The following CUX1 variants were observed in gnomAD, a reference collection of about 807,000 sequenced individuals.
CUX1 encodes the protein cut like homeobox 1.
CUX1 carries 31 observed loss-of-function variants against 158.8 expected under a neutral mutation model. The observed-to-expected ratio is 0.20, with a 90% CI of 0.15 to 0.26. CUX1 has a LOEUF of 0.26. Among genes scored for constraint, CUX1 ranks in the 10% least tolerant of loss-of-function variants. CUX1 has a pLI of 1.00. For synonymous variants in CUX1, 879 were observed against 862.1 expected (o/e 1.02, Z -0.34); for missense variants, 1,589 against 2,014.6 (o/e 0.79, Z 4.04).
At chr7:102,128,246 C>G (rs1832858592) in intron 8 of CUX1, among the ~76,000 whole-genome samples, 1 of 152,184 alleles carries the variant, frequency 6.6e-6, no homozygotes, top group African/African-American at 2.4e-5. Context: ...GCCTCTGTTC[C>G]TAGACTGCTG....
chr7:102,042,732 ATTAAAGTATCAT>A (rs1326913359), intron 3 of CUX1, among the ~76,000 whole-genome samples: 1 of 152,052 alleles, frequency 6.6e-6, no homozygotes, highest in African/African-American at 2.4e-5. Flanking sequence ...CCTCAGCTCT[ATTAAAGTATCAT>A]TAACAAAGAA....
chr7:101,824,896 T>G (rs1184182090), intron 1 of CUX1, among the ~76,000 whole-genome samples: 1 of 152,252 alleles, frequency 6.6e-6, no homozygotes, highest in South Asian at 2.1e-4. Flanking sequence ...CCTCTGGAAC[T>G]GGGAACATTC....
Position 102,070,323 on chromosome 7 carries a change from T to C in CUX1, c.190-16T>C. 6.2e-7 allele frequency: 1 copy of C among 1,602,354 alleles called. No homozygotes were observed. Among genetic ancestry groups the C allele is most frequent in the Non-Finnish European group, 8.5e-7 (1 of 1,175,028 alleles). ...GAGCTCTTTGTTTTTCTTTTCTTTC[T>C]TTCCTTCCCTTTCAGATTGATGCAC... On this transcript the variant is annotated splice_polypyrimidine_tract_variant and intron_variant, in intron 3 of 23. Coordinates refer to ENST00000292535, the MANE Select transcript of CUX1 (RefSeq NM_181552.4).
At chr7:101,817,622 C>G, upstream of CUX1, 3 of 1,548,858 alleles carry the variant, frequency 1.9e-6, no homozygotes, top group Non-Finnish European at 2.6e-6. The surrounding 1 kb of genome is among the most constrained non-coding windows in gnomAD (Gnocchi z 4.1). Flanking sequence ...GGGACAGCCC[C>G]GGGACTCTGC....
chr7:102,255,178 C>T lies in CUX1; in HGVS notation c.*6136C>T, dbSNP rs1168886913. On this transcript the variant is annotated 3_prime_UTR_variant, in exon 24 of 24. Transcript: ENST00000292535. ...GAAATGCAATTTCCGCCTGTCTGCC[C>T]GACTTCCAAAAACTGCCTCCTCCTG... The T allele has an allele frequency of 3.0e-6, 3 of 985,330 alleles. No homozygotes were observed. The highest frequency in any genetic ancestry group is 3.6e-6 in the Non-Finnish European group (3 of 829,998). The allele number at this position is 985,330 out of a possible 1,614,324, so 61.0% of individuals were successfully genotyped here. A position where few individuals can be genotyped will look rare whatever the true frequency, so the allele number is the denominator to read the frequency against.
intron 1 of CUX1, among the ~76,000 whole-genome samples, chr7:101,851,521 C>T (rs866479740): frequency 1.3e-5 from 2 of 152,158 alleles, no homozygotes; most frequent in Non-Finnish European, 2.9e-5. Context: ...ACCATATCTG[C>T]GATCCGACAA....
At chr7:101,888,184 A>G (rs182569918) in intron 1 of CUX1, among the ~76,000 whole-genome samples, 2 of 151,638 alleles carry the variant, frequency 1.3e-5, no homozygotes, top group Admixed American at 1.3e-4. Context: ...AAATACAAAA[A>G]TCTGGGTGTG....
intron 3 of CUX1, among the ~76,000 whole-genome samples, chr7:102,051,333 A>G (rs143703470): frequency 6.6e-6 from 1 of 151,324 alleles, no homozygotes; most frequent in Admixed American, 6.6e-5. Context: ...CATCTAATAG[A>G]CTATCATTTG....
At chr7:102,100,449 TA>T (rs1252369493) in intron 5 of CUX1, among the ~76,000 whole-genome samples, 4 of 152,220 alleles carry the variant, frequency 2.6e-5, no homozygotes, top group African/African-American at 9.6e-5. Flanking sequence ...TAAATATGCA[TA>T]TACACACAGC....
intron 2 of CUX1, among the ~76,000 whole-genome samples, chr7:101,977,616 C>T (rs903176002): frequency 1.3e-5 from 2 of 151,924 alleles, no homozygotes; most frequent in African/African-American, 4.8e-5. Context: ...GTACTCCAGC[C>T]TGGGCAACAG....
rs369455414 is a variant in CUX1 at position 101,912,163 on chromosome 7, G to A, written c.31-3952G>A. 1.8e-4 allele frequency among the ~76,000 whole-genome samples: 27 copies of A among 151,934 alleles called. No homozygotes were observed. In the East Asian group the frequency reaches 2.5e-3, roughly 14 times the overall value. ...CCTCGGGAGAGTTCTGGCTTGGTTT[G>A]GTGGTGTTTTCTGTGACCAGCAGTG... On this transcript the variant is annotated intron_variant, in intron 1 of 23. Transcript: ENST00000292535.
chr7:102,159,697 C>T (rs931682947), intron 9 of CUX1, among the ~76,000 whole-genome samples: 1 of 151,592 alleles, frequency 6.6e-6, no homozygotes. Context: ...CCCGTCTCTA[C>T]TAAAAATACA....
intron 3 of CUX1, among the ~76,000 whole-genome samples, chr7:102,061,461 C>T (rs1312509439): frequency 8.5e-5 from 13 of 152,162 alleles, no homozygotes; most frequent in Admixed American, 7.2e-4. Context: ...GGTGAGACGG[C>T]GGTTCCTTCA....
At chr7:102,151,078 G>A (rs1254100831) in intron 8 of CUX1, among the ~76,000 whole-genome samples, 1 of 152,214 alleles carries the variant, frequency 6.6e-6, no homozygotes. Context: ...TTGGAATACT[G>A]TTGACACTCA....
chr7:101,863,520 T>G (rs965535625), intron 1 of CUX1, among the ~76,000 whole-genome samples: 1 of 152,116 alleles, frequency 6.6e-6, no homozygotes, highest in African/African-American at 2.4e-5. Flanking sequence ...CCAGCTAATT[T>G]TTATATTTTT....
Position 102,257,422 on chromosome 7 carries a change from A to G in CUX1, c.*8380A>G, listed in dbSNP as rs1221594032. ...CGTACCCCCATCTGAGACCTCTTGG[A>G]AAAAAAAAATCCCGTGTATTCTGGA... On this transcript the variant is annotated 3_prime_UTR_variant, in exon 24 of 24. Transcript: ENST00000292535. 7 of 966,662 alleles carry G rather than the reference A, an allele frequency of 7.2e-6. No homozygotes were observed. Among genetic ancestry groups the G allele is most frequent in the South Asian group, 4.8e-5 (1 of 20,936 alleles). 59.9% of individuals were successfully genotyped at this position (966,662 alleles called of 1,614,324 possible).
At chr7:101,971,142 G>C (rs1025887130) in intron 2 of CUX1, among the ~76,000 whole-genome samples, 1 of 152,244 alleles carries the variant, frequency 6.6e-6, no homozygotes, top group African/African-American at 2.4e-5. Flanking sequence ...GGCCTGCCCA[G>C]TATGGCGCTG....
chr7:101,843,291 C>G (rs1458446692), intron 1 of CUX1, among the ~76,000 whole-genome samples: 1 of 152,034 alleles, frequency 6.6e-6, no homozygotes, highest in Non-Finnish European at 1.5e-5. Context: ...GATGTAAGAT[C>G]TTGTTTTTAA....
At chr7:102,275,746 CA>C (rs1791561546) in intron 17 of CUX1, among the ~76,000 whole-genome samples, 1 of 152,178 alleles carries the variant, frequency 6.6e-6, no homozygotes, top group South Asian at 2.1e-4. Flanking sequence ...CGGTGGCTCA[CA>C]CCTGTAATCC....
Sources: allele counts gnomAD v4.1 joint callset (sites outside exome capture counted in the v4.1 genomes callset), GRCh38; gene constraint gnomAD v4.1.1; non-coding constraint Gnocchi (gnomAD v3.1); transcripts MANE v1.5; gene names NCBI Gene and HGNC (gene_info 2026-07-23, HGNC 2026-07-21).